ESRRG: variants seen among roughly 807,000 people sequenced by gnomAD.
The protein encoded by ESRRG is estrogen-related receptor gamma.
A neutral mutation model predicts 44.0 loss-of-function variants in ESRRG; 13 were observed. The ratio of observed to expected loss-of-function variants is 0.30; its 90% CI spans 0.19 to 0.47. ESRRG has a LOEUF of 0.47. ESRRG is among the 20% of genes least tolerant of loss of function. ESRRG has a pLI of 1.00. For synonymous variants in ESRRG, 215 were observed against 214.6 expected (o/e 1.00, Z -0.02); for missense variants, 395 against 580.6 (o/e 0.68, Z 3.29).
intron 1 of ESRRG, among the ~76,000 whole-genome samples, chr1:216,985,387 T>C (rs1051301502): frequency 4.6e-5 from 7 of 152,154 alleles, no homozygotes; most frequent in Admixed American, 2.6e-4. Context: ...TACCCTCCAA[T>C]CCAGGCTGGA....
chr1:217,040,624 T>C (rs1258952058), intron 1 of ESRRG, among the ~76,000 whole-genome samples: 1 of 152,190 alleles, frequency 6.6e-6, no homozygotes, highest in Non-Finnish European at 1.5e-5. Context: ...TTTTTTCCTA[T>C]CCTGTGAAAT....
At chr1:216,606,247 G>T (rs552622392) in intron 3 of ESRRG, among the ~76,000 whole-genome samples, 2 of 152,248 alleles carry the variant, frequency 1.3e-5, no homozygotes, top group East Asian at 3.9e-4. Context: ...ATCAGCAGCT[G>T]GGGTGACTGA....
chr1:216,940,983 G>A (rs1356304588), intron 1 of ESRRG, among the ~76,000 whole-genome samples: 4 of 152,280 alleles, frequency 2.6e-5, no homozygotes, highest in Middle Eastern at 3.4e-3. Flanking sequence ...AGAACGAGGA[G>A]GTTTCTAGTG....
chr1:216,997,985 C>T (rs1287567823), intron 1 of ESRRG, among the ~76,000 whole-genome samples: 1 of 152,052 alleles, frequency 6.6e-6, no homozygotes, highest in Non-Finnish European at 1.5e-5. Context: ...TTTTTTTCTT[C>T]CCTTTTTTAA....
intron 3 of ESRRG, among the ~76,000 whole-genome samples, chr1:216,611,663 A>G (rs1469883506): frequency 1.3e-5 from 2 of 152,164 alleles, no homozygotes; most frequent in Non-Finnish European, 2.9e-5. Context: ...AGGTGAGACA[A>G]GAATAAAACT....
chr1:216,847,240 C>A (rs1432888382), intron 2 of ESRRG, among the ~76,000 whole-genome samples: 3 of 151,922 alleles, frequency 2.0e-5, no homozygotes, highest in African/African-American at 7.3e-5. Flanking sequence ...TATAAATGAC[C>A]CCTATCTAAA....
chr1:216,840,205 C>T (rs1421927296), intron 2 of ESRRG, among the ~76,000 whole-genome samples: 3 of 152,034 alleles, frequency 2.0e-5, no homozygotes, highest in African/African-American at 7.3e-5. Flanking sequence ...TTCTGGATAA[C>T]TTGCTGCAGC....
chr1:216,934,357 T>C (rs1201080107), intron 2 of ESRRG, among the ~76,000 whole-genome samples: 1 of 152,126 alleles, frequency 6.6e-6, no homozygotes, highest in Admixed American at 6.5e-5. Context: ...TTGCTTGAAC[T>C]TGGGAGGCGG....
chr1:216,633,646 G>C (rs1162847919), intron 3 of ESRRG, among the ~76,000 whole-genome samples: 1 of 152,168 alleles, frequency 6.6e-6, no homozygotes, highest in Non-Finnish European at 1.5e-5. Flanking sequence ...CAGGTATGGT[G>C]AGTGGAGAGT....
At chr1:217,058,305 TC>T (rs1234506333) in intron 1 of ESRRG, among the ~76,000 whole-genome samples, 3 of 152,148 alleles carry the variant, frequency 2.0e-5, no homozygotes, top group Admixed American at 1.3e-4. Context: ...GGGTTTTATA[TC>T]CAGCAAAACT....
chr1:216,931,724 G>A (rs2063365328), intron 2 of ESRRG, among the ~76,000 whole-genome samples: 1 of 151,820 alleles, frequency 6.6e-6, no homozygotes, highest in Admixed American at 6.6e-5. Flanking sequence ...ATGAGCTGTG[G>A]GAAGCAGGGA....
At chr1:216,774,995 A>G (rs1433917600) in intron 2 of ESRRG, among the ~76,000 whole-genome samples, 1 of 151,170 alleles carries the variant, frequency 6.6e-6, no homozygotes, top group Non-Finnish European at 1.5e-5. Flanking sequence ...TTTTAGTAGA[A>G]ACAAGGTCTC....
chr1:216,793,515 T>A (rs1054980510), intron 2 of ESRRG, among the ~76,000 whole-genome samples: 1 of 152,124 alleles, frequency 6.6e-6, no homozygotes, highest in East Asian at 1.9e-4. Context: ...TACAGCCACA[T>A]GAGGGAGCCT....
At chr1:216,736,155 G>T (rs1253163682) in intron 2 of ESRRG, among the ~76,000 whole-genome samples, 9 of 148,584 alleles carry the variant, frequency 6.1e-5, no homozygotes, top group African/African-American at 2.2e-4. Flanking sequence ...AAAATATGGT[G>T]CTTCTAAGGA....
intron 1 of ESRRG, among the ~76,000 whole-genome samples, chr1:216,720,890 T>C (rs910923897): frequency 1.3e-5 from 2 of 152,200 alleles, no homozygotes; most frequent in African/African-American, 4.8e-5. Flanking sequence ...TTGCCTTTCC[T>C]TCTTCCAACA....
At chr1:216,790,631 G>A (rs1308821299) in intron 2 of ESRRG, among the ~76,000 whole-genome samples, 1 of 152,140 alleles carries the variant, frequency 6.6e-6, no homozygotes, top group Non-Finnish European at 1.5e-5. Context: ...ATTTTTCAGA[G>A]AATAGCAGAA....
intron 2 of ESRRG, among the ~76,000 whole-genome samples, chr1:216,774,533 A>T (rs1401919764): frequency 2.0e-5 from 3 of 152,008 alleles, no homozygotes; most frequent in Non-Finnish European, 2.9e-5. Flanking sequence ...ACCCTCCAAA[A>T]CTGTCTCTTC....
chr1:216,888,072 T>C (rs948847319), intron 2 of ESRRG, among the ~76,000 whole-genome samples: 3 of 152,168 alleles, frequency 2.0e-5, no homozygotes, highest in Admixed American at 6.5e-5. Flanking sequence ...GTTTATTAAC[T>C]GTGCAATCAC....
chr1:216,863,276 T>C (rs1183197637), intron 2 of ESRRG: 1 of 144,576 alleles, frequency 6.9e-6, no homozygotes, highest in Non-Finnish European at 1.6e-5. Context: ...AATAGGACAA[T>C]GTAGAATAAA....
Sources: allele counts gnomAD v4.1 joint callset (sites outside exome capture counted in the v4.1 genomes callset), GRCh38; gene constraint gnomAD v4.1.1; transcripts MANE v1.5; gene names NCBI Gene and HGNC (gene_info 2026-07-23, HGNC 2026-07-21).